The following CLCN4 variants were observed in gnomAD, a reference collection of about 807,000 sequenced individuals.
CLCN4 encodes H(+)/Cl(-) exchange transporter 4.
In CLCN4, 1 loss-of-function variant was observed where a neutral mutation model predicts 41.7. The ratio of observed to expected loss-of-function variants is 0.02; its 90% CI spans 0.01 to 0.11. The LOEUF (loss-of-function observed/expected upper bound fraction) is 0.11, where lower values mean the gene tolerates loss of function less well. Among genes scored for constraint, CLCN4 ranks in the 10% least tolerant of loss-of-function variants. CLCN4 has a pLI of 1.00. For synonymous variants in CLCN4, 277 were observed against 285.8 expected, an observed-to-expected ratio of 0.97 and a Z score of 0.31; for missense variants, 287 against 661.0, an observed-to-expected ratio of 0.43 and a Z score of 6.20.
At chrX:10,211,736 A>G (rs911032138) in intron 9 of CLCN4, among the ~76,000 whole-genome samples, 1 of 112,073 alleles carries the variant, frequency 8.9e-6, no homozygotes, top group African/African-American at 3.2e-5. Context: ...GGCTTGTTCT[A>G]TAGTACATGT....
intron 9 of CLCN4, among the ~76,000 whole-genome samples, chrX:10,211,791 G>A (rs776768174): frequency 8.9e-6 from 1 of 112,406 alleles, no homozygotes; most frequent in East Asian, 2.8e-4. Flanking sequence ...CAGCAGGGTA[G>A]AGAACACGCT....
intron 12 of CLCN4, among the ~76,000 whole-genome samples, chrX:10,227,570 T>G (rs1164552564): frequency 8.9e-6 from 1 of 111,735 alleles, no homozygotes; most frequent in Non-Finnish European, 1.9e-5. Flanking sequence ...GATTCAGTGG[T>G]TTTTAGTAGA....
At chrX:10,164,370 AG>A (rs907680893) in intron 2 of CLCN4, among the ~76,000 whole-genome samples, 2 of 111,534 alleles carry the variant, frequency 1.8e-5, no homozygotes, top group African/African-American at 6.5e-5. Flanking sequence ...AGAGGGGCGC[AG>A]GGGGCAGGCC....
rs773265490 is a variant in CLCN4 at position 10,216,918 on chromosome X, T to TATATATATACACACAC, written c.1975+2840_1975+2841insTATATATACACACACA. ...GTGTGTATATATATATATATATATATACACACACACACATAGAGGGACTTC... is the reference window on the plus strand; with the variant it reads ...GTGTGTATATATATATATATATATATATATATATACACACACACACACACACACATAGAGGGACTTC... On this transcript the variant is annotated intron_variant, in intron 11 of 12. Coordinates refer to ENST00000380833, the MANE Select transcript of CLCN4 (RefSeq NM_001830.4). Among the ~76,000 whole-genome samples the TATATATATACACACAC allele has an allele frequency of 3.4e-3, 134 of 38,921 alleles. 1 individual carries two copies. The highest frequency in any genetic ancestry group is 0.048 in the Middle Eastern group (1 of 21). The allele number at this position is 38,921 out of a possible 115,157, so 33.8% of individuals were successfully genotyped here. A position where few individuals can be genotyped will look rare whatever the true frequency, so the allele number is the denominator to read the frequency against.
chrX:10,231,734 C>G (rs964135889), intron 12 of CLCN4, among the ~76,000 whole-genome samples: 17 of 111,553 alleles, frequency 1.5e-4, no homozygotes, highest in African/African-American at 4.9e-4. Flanking sequence ...ATGATAAGCT[C>G]CATTGCTCGG....
intron 12 of CLCN4, among the ~76,000 whole-genome samples, chrX:10,226,501 A>C (rs1244021740): frequency 3.6e-5 from 4 of 111,794 alleles, no homozygotes; most frequent in Non-Finnish European, 7.5e-5. Flanking sequence ...AACCAAGAGC[A>C]GACAAACCCC....
chrX:10,184,926 T>A (rs1923771431), intron 2 of CLCN4, 96 bp from the exon 3 acceptor site: 2 of 677,329 alleles, frequency 3.0e-6, no homozygotes, highest in East Asian at 6.5e-5. Context: ...CTGAAATAAT[T>A]TTTCTTATAT....
At chrX:10,194,842 G>T in intron 4 of CLCN4, 69 bp from the exon 5 acceptor site, 1 of 1,082,811 alleles carries the variant, frequency 9.2e-7, no homozygotes, top group Non-Finnish European at 1.3e-6. Context: ...CTGTCTGGCC[G>T]CCGTGTTGGT....
intron 9 of CLCN4, among the ~76,000 whole-genome samples, chrX:10,208,976 G>C (rs1275489821): frequency 9.0e-6 from 1 of 111,397 alleles, no homozygotes; most frequent in Non-Finnish European, 1.9e-5. Context: ...CCCAGGTTTG[G>C]CTCAGTTTGG....
chrX:10,157,408 G>A (rs957294602), intron 1 of CLCN4, among the ~76,000 whole-genome samples: 1 of 112,358 alleles, frequency 8.9e-6, no homozygotes, highest in African/African-American at 3.2e-5. Flanking sequence ...AGGGCTGTGA[G>A]CAAAGGGAAT....
intron 12 of CLCN4, among the ~76,000 whole-genome samples, chrX:10,222,237 C>A (rs1030500623): frequency 4.5e-5 from 5 of 111,759 alleles, no homozygotes; most frequent in Admixed American, 9.5e-5. Flanking sequence ...CCTTAAAGGT[C>A]ATTCCTTGGC....
At chrX:10,181,196 G>A (rs2406269) in intron 2 of CLCN4, among the ~76,000 whole-genome samples, 4,603 of 109,666 alleles carry the variant, frequency 0.042, 110 homozygotes, top group Middle Eastern at 0.092. Context: ...CATCTCTACA[G>A]ATAATAAAAA....
chrX:10,217,806 C>T (rs1259118018), intron 11 of CLCN4, among the ~76,000 whole-genome samples: 1 of 106,967 alleles, frequency 9.3e-6, no homozygotes, highest in East Asian at 2.9e-4. Context: ...GCAGTGGCGA[C>T]ATCTCGGCTC....
chrX:10,196,538 CTTTTT>C (rs141362799), intron 5 of CLCN4, among the ~76,000 whole-genome samples: 1 of 80,911 alleles, frequency 1.2e-5, no homozygotes, highest in Non-Finnish European at 2.3e-5. Flanking sequence ...CCCTTCCCCA[CTTTTT>C]TTTTTTTTTT....
intron 6 of CLCN4, among the ~76,000 whole-genome samples, chrX:10,205,427 C>T (rs866101894): frequency 5.8e-4 from 58 of 100,244 alleles, no homozygotes; most frequent in Middle Eastern, 5.2e-3. Flanking sequence ...GAGCCGAGAC[C>T]GCACCACTGC....
In CLCN4 at chrX:10,190,006, C is replaced by G. The variant is rs936996378; in HGVS notation, c.244+2392C>G. On this transcript the variant is annotated intron_variant, in intron 4 of 12. Coordinates refer to ENST00000380833, the MANE Select transcript of CLCN4 (RefSeq NM_001830.4). ...TCAAATACTGCACGATGTCACTTATCTGTGGAGTCCAAAAAAATAAAACCA... is the reference window on the plus strand; with the variant it reads ...TCAAATACTGCACGATGTCACTTATGTGTGGAGTCCAAAAAAATAAAACCA... Among the ~76,000 whole-genome samples, 24 of 110,754 alleles carry G rather than the reference C, an allele frequency of 2.2e-4. 1 individual carries two copies. The highest frequency in any genetic ancestry group is 7.6e-4 in the African/African-American group (23 of 30,286).
chrX:10,194,794 C>T, intron 4 of CLCN4, 117 bp from the exon 5 acceptor site: 1 of 660,177 alleles, frequency 1.5e-6, no homozygotes, highest in Non-Finnish European at 2.4e-6. Context: ...AAGTTTATTG[C>T]CTGCTCTGGA....
At chrX:10,197,808 A>G in intron 5 of CLCN4, 131 bp from the exon 6 acceptor site, 2 of 787,155 alleles carry the variant, frequency 2.5e-6, no homozygotes, top group Non-Finnish European at 3.7e-6. Context: ...TTTGGTTTAT[A>G]CAGGACTGGG....
chrX:10,179,254 GTTTCAT>G (rs1181352869), intron 2 of CLCN4, among the ~76,000 whole-genome samples: 1 of 111,184 alleles, frequency 9.0e-6, no homozygotes, highest in Non-Finnish European at 1.9e-5. Context: ...GGCCGGTGCT[GTTTCAT>G]TCCCTGTGCC....
Sources: gnomAD v4.1 joint callset for allele counts (sites outside exome capture counted in the v4.1 genomes callset) on GRCh38, gnomAD v4.1.1 for gene constraint, MANE v1.5 for transcripts, NCBI Gene and HGNC (gene_info 2026-07-23, HGNC 2026-07-21) for gene names.